The following NKD1 variants were observed in gnomAD, a reference collection of about 807,000 sequenced individuals.
NKD1 encodes the protein NKD inhibitor of Wnt signaling pathway 1.
In NKD1, 21 loss-of-function variants were observed where a neutral mutation model predicts 56.0. The observed-to-expected ratio is 0.38, with a 90% CI of 0.27 to 0.54. The LOEUF is 0.54. Ranked by LOEUF, NKD1 falls within the 20% of genes least tolerant of loss-of-function variation. The pLI, the probability that NKD1 is intolerant of heterozygous loss-of-function variation, is 0.82. For missense variants in NKD1, 578 were observed against 642.7 expected, an observed-to-expected ratio of 0.90 and a Z score of 1.09; for synonymous variants, 263 against 265.7, an observed-to-expected ratio of 0.99 and a Z score of 0.10.
chr16:50,575,287 G>A (rs1960969362), intron 3 of NKD1: 1 of 985,308 alleles, frequency 1.0e-6, no homozygotes, highest in African/African-American at 1.7e-5. Context: ...ATTCACCAGT[G>A]CCCAGAGGCT....
At chr16:50,591,167 G>A in intron 3 of NKD1, among the ~76,000 whole-genome samples, 1 of 152,074 alleles carries the variant, frequency 6.6e-6, no homozygotes, top group East Asian at 1.9e-4. Flanking sequence ...TCTTTTTTGA[G>A]GTACTGACTG....
At chr16:50,556,047 C>T (rs2151262447) in intron 3 of NKD1, 1 of 152,192 alleles carries the variant, frequency 6.6e-6, no homozygotes, top group African/African-American at 2.4e-5. Context: ...GGCAGGAGCC[C>T]AGAATATCCT....
At position 50,647,302 on chromosome 16, in the gene NKD1, CT is replaced by C. The variant is rs759994040; in HGVS notation, c.*13523del. The C allele has an allele frequency of 6.6e-6, 1 of 152,260 alleles. No individual in the cohort carries two copies. Among genetic ancestry groups the C allele is most frequent in the Non-Finnish European group, 1.5e-5 (1 of 68,052 alleles). 9.4% of individuals were successfully genotyped at this position (152,260 alleles called of 1,614,324 possible). A position where few individuals can be genotyped will look rare whatever the true frequency, so the allele number is the denominator to read the frequency against. On this transcript the variant is annotated 3_prime_UTR_variant, in exon 10 of 10. Transcript: ENST00000268459. ...ATCTGAAGGGAAGTCTGTTGAGGAA[CT>C]TGTAACATGTCATGGTAGTGGCCAT...
intron 3 of NKD1, among the ~76,000 whole-genome samples, chr16:50,572,591 C>G (rs905038020): frequency 2.0e-5 from 3 of 152,126 alleles, no homozygotes; most frequent in African/African-American, 4.8e-5. Context: ...CTTTTGTGCT[C>G]TAACTCAGGG....
chr16:50,603,036 G>A (rs894495415), intron 3 of NKD1, among the ~76,000 whole-genome samples: 1 of 152,234 alleles, frequency 6.6e-6, no homozygotes, highest in Non-Finnish European at 1.5e-5. Flanking sequence ...GAATGTTCCC[G>A]AGCCTGTGTT....
intron 3 of NKD1, among the ~76,000 whole-genome samples, chr16:50,582,225 C>T (rs750072444): frequency 3.9e-5 from 6 of 152,102 alleles, no homozygotes; most frequent in Admixed American, 6.5e-5. Flanking sequence ...GCTAATTATG[C>T]CTTGAACGTG....
At chr16:50,565,118 G>A (rs563065008) in intron 3 of NKD1, among the ~76,000 whole-genome samples, 22 of 152,360 alleles carry the variant, frequency 1.4e-4, no homozygotes, top group African/African-American at 5.3e-4. Context: ...GCTCATGCCT[G>A]TAATCCCAGC....
chr16:50,562,596 G>T (rs541421455), intron 3 of NKD1, among the ~76,000 whole-genome samples: 1 of 152,276 alleles, frequency 6.6e-6, no homozygotes, highest in South Asian at 2.1e-4. Context: ...GACTCGATGC[G>T]GCCGAGGACC....
At chr16:50,573,837 C>A (rs904030483) in intron 3 of NKD1, 1 of 985,242 alleles carries the variant, frequency 1.0e-6, no homozygotes, top group African/African-American at 1.7e-5. Flanking sequence ...TTGGGCTGGC[C>A]TCAGCCACAG....
intron 4 of NKD1, among the ~76,000 whole-genome samples, chr16:50,613,027 G>A (rs1596743176): frequency 6.6e-6 from 1 of 152,148 alleles, no homozygotes; most frequent in Non-Finnish European, 1.5e-5. Context: ...CCATGGGGCT[G>A]GAGGTTGGAG....
chr16:50,570,645 G>A (rs890751433), intron 3 of NKD1, among the ~76,000 whole-genome samples: 1 of 152,220 alleles, frequency 6.6e-6, no homozygotes, highest in African/African-American at 2.4e-5. Flanking sequence ...GAGAATGCCT[G>A]TGAAACACTT....
chr16:50,559,415 T>C (rs1960573934), intron 3 of NKD1, among the ~76,000 whole-genome samples: 1 of 151,756 alleles, frequency 6.6e-6, no homozygotes, highest in African/African-American at 2.4e-5. Context: ...TGGGGAAAGG[T>C]TTATTAAAAA....
rs1962388228 is a variant in NKD1 at position 50,633,298 on chromosome 16, C to G, written c.930C>G (p.Pro310=). Reference sequence around the variant, plus strand: ...CCATCCACATCCCACACCGAAAGCCCCAAGGCGTGGACCCGGCCTCCTTCC... The same window carrying G: ...CCATCCACATCCCACACCGAAAGCCGCAAGGCGTGGACCCGGCCTCCTTCC... ...PEAIHIPHRK[P]QGVDPASFHF... The change falls in exon 10 of 10, where the codon CCC becomes CCG. Residue 310 remains proline, a synonymous_variant. Transcript: ENST00000268459. The surrounding 1 kb of genome is among the most constrained non-coding windows in gnomAD (Gnocchi z 4.9). 2.5e-6 allele frequency: 4 copies of G among 1,614,170 alleles called. No individual in the cohort carries two copies. The highest frequency in any genetic ancestry group is 3.4e-6 in the Non-Finnish European group (4 of 1,180,008).
chr16:50,589,694 T>TTCTCTTCTCTTCTCTTCTC (rs1961307335), intron 3 of NKD1, among the ~76,000 whole-genome samples: 2 of 120,560 alleles, frequency 1.7e-5, no homozygotes, highest in African/African-American at 6.2e-5. Context: ...TTTCTTTTCT[T>TTCTCTTCTCTTCTCTTCTC]TTCTCTTCTC....
At chr16:50,608,980 T>C (rs1434350201) in intron 4 of NKD1, among the ~76,000 whole-genome samples, 2 of 152,230 alleles carry the variant, frequency 1.3e-5, no homozygotes, top group Non-Finnish European at 2.9e-5. Context: ...CATGCCACCA[T>C]GCCAAGCTAA....
At position 50,606,426 on chromosome 16, in the gene NKD1, T is replaced by C. The variant is rs1961711297; in HGVS notation, c.193-1868T>C. ...ACCATGGCTCCGGGGAGCTTTCCAG[T>C]GTTCTCCAGAGCAGGGTACTGTTGA... On this transcript the variant is annotated intron_variant, in intron 3 of 9. Transcript: ENST00000268459. The C allele has an allele frequency of 1.2e-5, 3 of 250,586 alleles. No individual in the cohort carries two copies. In the South Asian group the frequency reaches 1.6e-4, roughly 13 times the overall value. 15.5% of individuals were successfully genotyped at this position (250,586 alleles called of 1,614,324 possible).
At chr16:50,605,265 G>A (rs186991711) in intron 3 of NKD1, among the ~76,000 whole-genome samples, 9 of 152,356 alleles carry the variant, frequency 5.9e-5, no homozygotes, top group African/African-American at 7.2e-5. Context: ...GGTAGATGAC[G>A]GGTGACTGTC....
chr16:50,585,870 G>A (rs559400645), intron 3 of NKD1, among the ~76,000 whole-genome samples: 2 of 152,274 alleles, frequency 1.3e-5, no homozygotes, highest in East Asian at 3.9e-4. Context: ...TCATTTCATC[G>A]AGTCTGTGCC....
At chr16:50,574,895 C>T in intron 3 of NKD1, 2 of 985,430 alleles carry the variant, frequency 2.0e-6, no homozygotes, top group Non-Finnish European at 2.4e-6. Flanking sequence ...GAAACTTCCT[C>T]TCCTTGGAAT....
Sources: allele counts gnomAD v4.1 joint callset (sites outside exome capture counted in the v4.1 genomes callset), GRCh38; gene constraint gnomAD v4.1.1; non-coding constraint Gnocchi (gnomAD v3.1); transcripts MANE v1.5; gene names NCBI Gene and HGNC (gene_info 2026-07-23, HGNC 2026-07-21).